AGAP1: variants seen among roughly 807,000 people sequenced by gnomAD.
The protein encoded by AGAP1 is ArfGAP with GTPase domain, ankyrin repeat and PH domain 1, also known as arf-GAP with GTPase, ANK repeat and PH domain-containing protein 1.
AGAP1 carries 29 observed loss-of-function variants against 105.3 expected under a neutral mutation model. That is an observed-to-expected ratio of 0.28 (90% confidence interval 0.21 to 0.38). The LOEUF is 0.38. Ranked by LOEUF, AGAP1 falls within the 10% of genes least tolerant of loss-of-function variation. AGAP1 has a pLI of 1.00. For synonymous variants in AGAP1, 509 were observed against 485.9 expected, an observed-to-expected ratio of 1.05 and a Z score of -0.63; for missense variants, 998 against 1,165.1, an observed-to-expected ratio of 0.86 and a Z score of 2.09.
intron 1 of AGAP1, 92 bp downstream of exon 1, chr2:235,494,941 C>T (rs1160058780): frequency 2.3e-6 from 3 of 1,289,086 alleles, no homozygotes; most frequent in East Asian, 3.3e-5. Context: ...TGTCCACACA[C>T]GCCGGCCGGG....
rs143450260 is a variant in AGAP1 at position 236,001,049 on chromosome 2, A to G, written c.1645+32426A>G. On this transcript the variant is annotated intron_variant, in intron 13 of 17. Transcript: ENST00000304032. This position sits in a 1 kb window ranked among gnomAD's most constrained non-coding sequence, Gnocchi z 4.7. ...ACCTCAGAATGTGGCCTCATATGGA[A>G]CTAGGGTCATGGCAGATGTCATTAG... Among the ~76,000 whole-genome samples the G allele has an allele frequency of 6.6e-6, 1 of 152,308 alleles. No individual in the cohort carries two copies. The highest frequency in any genetic ancestry group is 1.5e-5 in the Non-Finnish European group (1 of 68,026).
chr2:236,048,005 G>C (rs552200958), intron 15 of AGAP1, among the ~76,000 whole-genome samples: 2 of 152,254 alleles, frequency 1.3e-5, no homozygotes, highest in African/African-American at 4.8e-5. Flanking sequence ...CTGGCGTAAG[G>C]CTATTGCTGG....
At chr2:235,494,891 G>GC in intron 1 of AGAP1, 42 bp downstream of exon 1, 1 of 1,521,754 alleles carries the variant, frequency 6.6e-7, no homozygotes, top group South Asian at 1.2e-5. Flanking sequence ...AGGCACGGAC[G>GC]CCCGCGGCGC....
intron 3 of AGAP1, among the ~76,000 whole-genome samples, chr2:235,726,021 G>A (rs530732407): frequency 5.9e-5 from 9 of 152,328 alleles, no homozygotes; most frequent in Non-Finnish European, 1.0e-4. Context: ...AGGACAAAGT[G>A]TGTTTTTGAG....
rs1469968316 is a variant in AGAP1, at chr2:235,989,335, T to C, written c.1645+20712T>C. On this transcript the variant is annotated intron_variant, in intron 13 of 17. Transcript: ENST00000304032. The surrounding 1 kb of genome is among the most constrained non-coding windows in gnomAD (Gnocchi z 4.4). ...GTGACTTTGCAAGCTCACAATGTCC[T>C]GAATGAAAACCTAGTTCCTAAGCCC... Among the ~76,000 whole-genome samples, 1 of 152,186 alleles carries C rather than the reference T, an allele frequency of 6.6e-6. No homozygotes were observed. The highest frequency in any genetic ancestry group is 1.9e-4 in the East Asian group (1 of 5,182).
At chr2:235,649,582 G>T (rs907156561) in intron 1 of AGAP1, among the ~76,000 whole-genome samples, 1 of 152,108 alleles carries the variant, frequency 6.6e-6, no homozygotes, top group African/African-American at 2.4e-5. Flanking sequence ...ATGTTGCCCA[G>T]GCTGGCCTCA....
intron 1 of AGAP1, among the ~76,000 whole-genome samples, chr2:235,572,236 C>T (rs1236576364): frequency 6.6e-6 from 1 of 151,816 alleles, no homozygotes; most frequent in Non-Finnish European, 1.5e-5. Context: ...GTGTGTGTGT[C>T]AGCTGACTCT....
At chr2:235,542,674 A>G (rs1943485325) in intron 1 of AGAP1, among the ~76,000 whole-genome samples, 1 of 152,340 alleles carries the variant, frequency 6.6e-6, no homozygotes, top group South Asian at 2.1e-4. Context: ...TTGTTTGCAA[A>G]TATGATCATA....
chr2:235,632,244 C>T (rs1010424988), intron 1 of AGAP1, among the ~76,000 whole-genome samples: 1 of 152,204 alleles, frequency 6.6e-6, no homozygotes, highest in African/African-American at 2.4e-5. Context: ...GACTTCATCT[C>T]CCACCACCAG....
At chr2:235,694,232 C>A (rs532938204) in intron 1 of AGAP1, among the ~76,000 whole-genome samples, 1 of 149,600 alleles carries the variant, frequency 6.7e-6, no homozygotes, top group Non-Finnish European at 1.5e-5. Context: ...GTAATCCCAG[C>A]ACTTTAGGAG....
chr2:235,926,429 G>A (rs1001290438), intron 11 of AGAP1, among the ~76,000 whole-genome samples: 3 of 152,180 alleles, frequency 2.0e-5, no homozygotes, highest in Admixed American at 1.3e-4. Context: ...CCACAGTGTC[G>A]TGGCTCAGGT....
chr2:235,636,689 G>A (rs772543020), intron 1 of AGAP1, among the ~76,000 whole-genome samples: 6 of 152,154 alleles, frequency 3.9e-5, no homozygotes, highest in East Asian at 1.9e-4. Flanking sequence ...CCAAGTCGTC[G>A]TGTCATCACT....
At chr2:236,033,088 A>G (rs982498527) in intron 13 of AGAP1, among the ~76,000 whole-genome samples, 29 of 152,222 alleles carry the variant, frequency 1.9e-4, no homozygotes, top group Non-Finnish European at 3.8e-4. Flanking sequence ...TCCACTAAAA[A>G]TACAAAATTA....
intron 13 of AGAP1, among the ~76,000 whole-genome samples, chr2:235,990,281 T>C (rs1400510506): frequency 2.0e-5 from 3 of 152,198 alleles, no homozygotes; most frequent in Non-Finnish European, 4.4e-5. Flanking sequence ...TCCACTGACA[T>C]GTGCCCCTGT....
intron 8 of AGAP1, among the ~76,000 whole-genome samples, chr2:235,802,589 A>G (rs1000447156): frequency 9.2e-5 from 14 of 152,196 alleles, no homozygotes; most frequent in African/African-American, 3.4e-4. Context: ...GCAGGGATCC[A>G]TATGTTGGTC....
intron 6 of AGAP1, among the ~76,000 whole-genome samples, chr2:235,758,595 T>C (rs142824058): frequency 2.6e-5 from 4 of 152,282 alleles, no homozygotes; most frequent in African/African-American, 9.6e-5. Flanking sequence ...ATTGGGACAG[T>C]ATGAAAGAGG....
At chr2:235,652,097 A>G (rs908100048) in intron 1 of AGAP1, among the ~76,000 whole-genome samples, 1 of 152,168 alleles carries the variant, frequency 6.6e-6, no homozygotes, top group African/African-American at 2.4e-5. Context: ...ACTTAATTTC[A>G]TTTGAAAGAC....
At chr2:235,847,978 T>A (rs1045167549) in intron 9 of AGAP1, among the ~76,000 whole-genome samples, 2 of 152,238 alleles carry the variant, frequency 1.3e-5, no homozygotes, top group Non-Finnish European at 2.9e-5. Flanking sequence ...TTAAAACCTT[T>A]GGCATAACAA....
rs2056294367 is a variant in AGAP1 at position 236,005,544 on chromosome 2, C to G, written c.1646-31017C>G. On this transcript the variant is annotated intron_variant, in intron 13 of 17. Transcript: ENST00000304032. The surrounding 1 kb of genome is among the most constrained non-coding windows in gnomAD (Gnocchi z 4.1). The stretch of plus-strand genomic sequence containing the variant: ...TAAAGTCCACACTTTATTTGCATCT[C>G]TTTAGCTTTAACCTCATGCCGTGTC... Among the ~76,000 whole-genome samples the G allele has an allele frequency of 1.3e-5, 2 of 152,192 alleles. No individual in the cohort carries two copies. Among genetic ancestry groups the G allele is most frequent in the African/African-American group, 4.8e-5 (2 of 41,444 alleles).
Sources: gnomAD v4.1 joint callset for allele counts (sites outside exome capture counted in the v4.1 genomes callset) on GRCh38, gnomAD v4.1.1 for gene constraint, Gnocchi (gnomAD v3.1) non-coding constraint, MANE v1.5 for transcripts, NCBI Gene and HGNC (gene_info 2026-07-23, HGNC 2026-07-21) for gene names.